The following SH3PXD2A variants were observed in gnomAD, a reference collection of about 807,000 sequenced individuals.
The protein encoded by SH3PXD2A is SH3 and PX domains 2A.
In SH3PXD2A, 32 loss-of-function variants were observed where a neutral mutation model predicts 115.2. The observed-to-expected ratio is 0.28, with a 90% confidence interval of 0.21 to 0.37. The LOEUF (loss-of-function observed/expected upper bound fraction) is 0.37, where lower values mean the gene tolerates loss of function less well. Ranked by LOEUF, SH3PXD2A falls within the 10% of genes least tolerant of loss-of-function variation. The pLI is 1.00. For synonymous variants in SH3PXD2A, 610 were observed against 629.1 expected (o/e 0.97, Z 0.45); for missense variants, 1,328 against 1,498.7 (o/e 0.89, Z 1.88).
At position 103,675,975 on chromosome 10, in the gene SH3PXD2A, G is replaced by A. The variant is rs377265671; in HGVS notation, c.428-7323C>T. 2.5e-3 allele frequency among the ~76,000 whole-genome samples: 384 copies of A among 152,102 alleles called. 2 individuals are homozygous for A. The highest frequency in any genetic ancestry group is 9.0e-3 in the African/African-American group (374 of 41,492). On this transcript the variant is annotated intron_variant, in intron 6 of 14. Coordinates refer to ENST00000369774, the MANE Select transcript of SH3PXD2A (RefSeq NM_001394015.1). ...AATTGCTTGAATCCGGGAGGCGGAG[G>A]TTGCAGTGAGCCGAGATCGCGCCAT...
At chr10:103,719,059 T>A (rs1258051812) in intron 5 of SH3PXD2A, among the ~76,000 whole-genome samples, 1 of 152,180 alleles carries the variant, frequency 6.6e-6, no homozygotes, top group African/African-American at 2.4e-5. Flanking sequence ...AATCTGCTGG[T>A]GCCTTGGTTT....
At chr10:103,662,187 C>T (rs1310693244) in intron 7 of SH3PXD2A, among the ~76,000 whole-genome samples, 1 of 152,118 alleles carries the variant, frequency 6.6e-6, no homozygotes, top group Non-Finnish European at 1.5e-5. Context: ...AGCAGCTTCT[C>T]TGTCCTCCTC....
At chr10:103,707,232 T>C (rs2037992439) in intron 5 of SH3PXD2A, among the ~76,000 whole-genome samples, 1 of 151,966 alleles carries the variant, frequency 6.6e-6, no homozygotes, top group Non-Finnish European at 1.5e-5. Flanking sequence ...AGTCTAGCTC[T>C]GTTGCCCAAG....
At chr10:103,659,039 G>A (rs1233272896) in intron 8 of SH3PXD2A, among the ~76,000 whole-genome samples, 1 of 152,214 alleles carries the variant, frequency 6.6e-6, no homozygotes, top group African/African-American at 2.4e-5. Flanking sequence ...TGGGGTGCCT[G>A]GGCCACCTCT....
chr10:103,672,826 T>A (rs533029283), intron 6 of SH3PXD2A, among the ~76,000 whole-genome samples: 11 of 152,318 alleles, frequency 7.2e-5, no homozygotes, highest in African/African-American at 2.6e-4. Flanking sequence ...AGCAGTAGGT[T>A]CCTGGAAATG....
intron 6 of SH3PXD2A, among the ~76,000 whole-genome samples, chr10:103,686,510 A>C (rs756463816): frequency 1.6e-4 from 25 of 152,150 alleles, no homozygotes; most frequent in Non-Finnish European, 3.1e-4. Flanking sequence ...AGCAGTGCCC[A>C]CCTTGGGGAA....
chr10:103,602,717 G>T lies in SH3PXD2A; in HGVS notation c.2501C>A (p.Thr834Asn). ...TLPATTPPCP[T>N]KKEWEGPATS... is the part of the protein sequence containing the mutation. ...GGCTGGCCCTTCCCATTCCTTCTTGGTGGGACATGGGGGAGTGGTGGCTGG... is the reference window on the plus strand; with the variant it reads ...GGCTGGCCCTTCCCATTCCTTCTTGTTGGGACATGGGGGAGTGGTGGCTGG... The change falls in exon 15 of 15, where the codon ACC becomes AAC. Residue 834 changes from threonine (T) to asparagine (N), a missense_variant. By Grantham distance (65) the Thr-to-Asn change is moderately conservative. This residue lies in a region of SH3PXD2A where 574 missense variants were observed against 565.7 expected (regional missense o/e 1.01). Transcript: ENST00000369774. 1.9e-6 allele frequency: 3 copies of T among 1,614,140 alleles called. No homozygotes were observed. The highest frequency in any genetic ancestry group is 2.5e-6 in the Non-Finnish European group (3 of 1,180,022).
chr10:103,637,073 G>A lies in SH3PXD2A; in HGVS notation c.605-9871C>T, dbSNP rs557336470. On this transcript the variant is annotated intron_variant, in intron 8 of 14. Coordinates refer to ENST00000369774, the MANE Select transcript of SH3PXD2A (RefSeq NM_001394015.1). ...ACCAGCAAGTATTTCCCGAGCACCT[G>A]GTACGGGCCAGGTCCTGTTCCAGGC... Among the ~76,000 whole-genome samples, 9 of 152,308 alleles carry A rather than the reference G, an allele frequency of 5.9e-5. No homozygotes were observed. The South Asian group carries it at 1.9e-3, about 32-fold the overall frequency.
chr10:103,767,805 G>GTTTT (rs1564884148), intron 2 of SH3PXD2A, among the ~76,000 whole-genome samples: 9 of 92,668 alleles, frequency 9.7e-5, no homozygotes, highest in African/African-American at 4.3e-4. Context: ...AGGAACAACT[G>GTTTT]TTTTGTTTTT....
chr10:103,720,526 C>G (rs749575901), intron 5 of SH3PXD2A, among the ~76,000 whole-genome samples: 30 of 152,220 alleles, frequency 2.0e-4, no homozygotes, highest in Non-Finnish European at 3.5e-4. Flanking sequence ...GTCCCCCACC[C>G]CAGCCCCCAT....
At chr10:103,613,294 C>T (rs989358106) in intron 11 of SH3PXD2A, 104 bp from the exon 12 acceptor site, 28 of 859,150 alleles carry the variant, frequency 3.3e-5, no homozygotes, top group Non-Finnish European at 4.5e-5. Context: ...GCCTTCCCTA[C>T]CATGTTCTGC....
intron 1 of SH3PXD2A, among the ~76,000 whole-genome samples, chr10:103,853,631 TC>T (rs1471303225): frequency 6.6e-6 from 1 of 152,212 alleles, no homozygotes; most frequent in African/African-American, 2.4e-5. Context: ...TACCAGTGTG[TC>T]CTGCATCTGC....
At chr10:103,709,013 G>C (rs796462472) in intron 5 of SH3PXD2A, among the ~76,000 whole-genome samples, 85 of 152,010 alleles carry the variant, frequency 5.6e-4, no homozygotes, top group Middle Eastern at 6.8e-3. Context: ...CAATTCCCTG[G>C]CTTGCAGGCA....
At chr10:103,739,900 T>A (rs1412242288) in intron 3 of SH3PXD2A, among the ~76,000 whole-genome samples, 2 of 152,028 alleles carry the variant, frequency 1.3e-5, no homozygotes, top group Non-Finnish European at 2.9e-5. Context: ...GGGCCTCCGG[T>A]GGGAGTCTGG....
chr10:103,720,950 C>T lies in SH3PXD2A; in HGVS notation c.398+3320G>A, dbSNP rs536739550. Among the ~76,000 whole-genome samples, 6 of 152,362 alleles carry T rather than the reference C, an allele frequency of 3.9e-5. No homozygotes were observed. In the East Asian group the frequency reaches 1.2e-3, roughly 29 times the overall value. ...TGCCTGGCCACAGCTGAGCTCACTTCCTGAGCCTCAGACCTGTCTTGGGGC... is the reference window on the plus strand; with the variant it reads ...TGCCTGGCCACAGCTGAGCTCACTTTCTGAGCCTCAGACCTGTCTTGGGGC... On this transcript the variant is annotated intron_variant, in intron 5 of 14. Coordinates refer to ENST00000369774, the MANE Select transcript of SH3PXD2A (RefSeq NM_001394015.1).
At chr10:103,776,380 T>C (rs2134235850) in intron 2 of SH3PXD2A, among the ~76,000 whole-genome samples, 1 of 134,104 alleles carries the variant, frequency 7.5e-6, no homozygotes, top group African/African-American at 3.0e-5. Context: ...GTGACAGAGC[T>C]AGACACCACT....
At chr10:103,781,159 G>A (rs1053908685) in intron 2 of SH3PXD2A, among the ~76,000 whole-genome samples, 4 of 152,198 alleles carry the variant, frequency 2.6e-5, no homozygotes, top group African/African-American at 9.7e-5. Flanking sequence ...TGAAAGTCAT[G>A]TCTGTGCCTT....
At chr10:103,766,447 A>G (rs1008126573) in intron 3 of SH3PXD2A, among the ~76,000 whole-genome samples, 2 of 152,132 alleles carry the variant, frequency 1.3e-5, no homozygotes, top group African/African-American at 4.8e-5. Flanking sequence ...ACCTGTCTGA[A>G]CCCCAATTTC....
Position 103,774,490 on chromosome 10 carries a change from T to G in SH3PXD2A, c.154-7321A>C, listed in dbSNP as rs147929684. On this transcript the variant is annotated intron_variant, in intron 2 of 14. Transcript: ENST00000369774. ...CTTTAGTTATTTAACTGTTTGAAAG[T>G]CGTTCAACATCTGGGCCATCTCTGT... Among the ~76,000 whole-genome samples the G allele has an allele frequency of 2.4e-4, 37 of 152,346 alleles. No individual in the cohort carries two copies. In the East Asian group the frequency reaches 6.9e-3, roughly 29 times the overall value.
Sources: allele counts gnomAD v4.1 joint callset (sites outside exome capture counted in the v4.1 genomes callset), GRCh38; gene constraint gnomAD v4.1.1; regional missense constraint gnomAD v4.1.1; transcripts MANE v1.5; gene names NCBI Gene and HGNC (gene_info 2026-07-23, HGNC 2026-07-21).